AUTS2: variants seen among roughly 807,000 people sequenced by gnomAD.
The protein encoded by AUTS2 is autism susceptibility gene 2 protein.
Under a neutral mutation model 112.4 loss-of-function variants are expected in AUTS2, and 17 were observed. The observed-to-expected ratio is 0.15, with a 90% CI of 0.10 to 0.23. The LOEUF (loss-of-function observed/expected upper bound fraction) is 0.23, where lower values mean the gene tolerates loss of function less well. Among genes scored for constraint, AUTS2 ranks in the 10% least tolerant of loss-of-function variants. AUTS2 has a pLI of 1.00. For synonymous variants in AUTS2, 751 were observed against 702.7 expected (o/e 1.07, Z -1.09); for missense variants, 1,510 against 1,701.6 (o/e 0.89, Z 1.98).
At chr7:70,161,925 T>C (rs1297656091) in intron 4 of AUTS2, among the ~76,000 whole-genome samples, 1 of 152,164 alleles carries the variant, frequency 6.6e-6, no homozygotes, top group Non-Finnish European at 1.5e-5. Context: ...GGGGGTTTCC[T>C]AAATACATTT....
intron 2 of AUTS2, among the ~76,000 whole-genome samples, chr7:70,003,294 A>G (rs1394120199): frequency 2.3e-5 from 3 of 132,704 alleles, no homozygotes; most frequent in African/African-American, 5.6e-5. Flanking sequence ...TATATTATAT[A>G]TGAATATATT....
At chr7:69,626,986 A>G (rs1793984158) in intron 1 of AUTS2, among the ~76,000 whole-genome samples, 1 of 152,234 alleles carries the variant, frequency 6.6e-6, no homozygotes, top group Non-Finnish European at 1.5e-5. Context: ...TAACCCCCAA[A>G]TGCAGGTTAA....
intron 5 of AUTS2, among the ~76,000 whole-genome samples, chr7:70,648,232 G>C (rs1234038838): frequency 6.6e-6 from 1 of 152,130 alleles, no homozygotes; most frequent in African/African-American, 2.4e-5. Flanking sequence ...TAGTGTCATA[G>C]TACTCCGCCC....
intron 5 of AUTS2, among the ~76,000 whole-genome samples, chr7:70,655,242 C>G (rs1806709483): frequency 6.6e-6 from 1 of 152,216 alleles, no homozygotes; most frequent in African/African-American, 2.4e-5. Context: ...GAACTTGGGC[C>G]CTCTCCAGTC....
intron 1 of AUTS2, among the ~76,000 whole-genome samples, chr7:69,745,157 A>T (rs1011890765): frequency 6.6e-6 from 1 of 152,158 alleles, no homozygotes; most frequent in Non-Finnish European, 1.5e-5. Context: ...CGGCTGACCA[A>T]AAAACCACCT....
chr7:70,214,012 A>G (rs1452641009), intron 4 of AUTS2, among the ~76,000 whole-genome samples: 1 of 152,210 alleles, frequency 6.6e-6, no homozygotes, highest in South Asian at 2.1e-4. Flanking sequence ...TAACTGCAGC[A>G]CTTTTGAAAG....
chr7:70,107,731 A>G (rs913029010), intron 2 of AUTS2, among the ~76,000 whole-genome samples: 6 of 150,834 alleles, frequency 4.0e-5, no homozygotes, highest in Non-Finnish European at 1.5e-5. Context: ...TCTAGAACAT[A>G]GGCCAGATGT....
chr7:70,119,369 T>C lies in AUTS2; in HGVS notation c.624+1136T>C, dbSNP rs919590934. Reference sequence around the variant, plus strand: ...TGTGAAATGGATCAAGTAAAGAGATTTTTTTTTTTTTTTTGAGACTGAGTC... The same window carrying C: ...TGTGAAATGGATCAAGTAAAGAGATCTTTTTTTTTTTTTTGAGACTGAGTC... On this transcript the variant is annotated intron_variant, in intron 3 of 18. Coordinates refer to ENST00000342771, the MANE Select transcript of AUTS2 (RefSeq NM_015570.4). 9 of 82,208 alleles carry C rather than the reference T, an allele frequency of 1.1e-4. No homozygotes were observed. The East Asian group carries it at 3.0e-3, about 27-fold the overall frequency. 5.1% of individuals were successfully genotyped at this position (82,208 alleles called of 1,614,324 possible). A position where few individuals can be genotyped will look rare whatever the true frequency, so the allele number is the denominator to read the frequency against.
chr7:70,011,972 T>C (rs1481758099), intron 2 of AUTS2, among the ~76,000 whole-genome samples: 1 of 152,120 alleles, frequency 6.6e-6, no homozygotes, highest in Non-Finnish European at 1.5e-5. Flanking sequence ...CATTGAGTTT[T>C]TTCACTGTGA....
At chr7:70,783,969 G>C (rs1791264241) in intron 15 of AUTS2, 1 of 152,092 alleles carries the variant, frequency 6.6e-6, no homozygotes, top group South Asian at 2.1e-4. Flanking sequence ...GCTTCCTTCA[G>C]GAACAGGAAT....
intron 4 of AUTS2, among the ~76,000 whole-genome samples, chr7:70,148,983 A>C (rs1410191586): frequency 6.6e-6 from 1 of 152,092 alleles, no homozygotes; most frequent in Non-Finnish European, 1.5e-5. Flanking sequence ...TTACAAAGCA[A>C]GGTAAATAAA....
At chr7:70,375,047 C>T (rs1395509051) in intron 4 of AUTS2, among the ~76,000 whole-genome samples, 1 of 152,174 alleles carries the variant, frequency 6.6e-6, no homozygotes, top group African/African-American at 2.4e-5. Context: ...TTGTTCAGCT[C>T]TTCCTTGATA....
intron 6 of AUTS2, among the ~76,000 whole-genome samples, chr7:70,726,767 A>T (rs1387472643): frequency 6.6e-6 from 1 of 152,192 alleles, no homozygotes; most frequent in Non-Finnish European, 1.5e-5. Flanking sequence ...GCTTAAACAC[A>T]ATAGCATCTT....
At position 69,704,441 on chromosome 7, in the gene AUTS2, C is replaced by T. The variant is rs1343863233; in HGVS notation, c.309+104479C>T. ...TACAGGCGCCTGCCACCACGCCCGG[C>T]TAATTTTTTTGTATTTTTAGTAGAG... On this transcript the variant is annotated intron_variant, in intron 1 of 18. Transcript: ENST00000342771. 2.0e-5 allele frequency among the ~76,000 whole-genome samples: 3 copies of T among 152,108 alleles called. No homozygotes were observed. The East Asian group carries it at 5.8e-4, about 29-fold the overall frequency.
In AUTS2 at chr7:70,125,070, C is replaced by T. The variant is rs547314509; in HGVS notation, c.624+6837C>T. On this transcript the variant is annotated intron_variant, in intron 3 of 18. Coordinates refer to ENST00000342771, the MANE Select transcript of AUTS2 (RefSeq NM_015570.4). ...TTTGTCACCTGTGCCATTTCTGGAC[C>T]TGTTTCTATTGGTTGTTTTTTCTCC... Among the ~76,000 whole-genome samples, 9 of 152,050 alleles carry T rather than the reference C, an allele frequency of 5.9e-5. No individual in the cohort carries two copies. The South Asian group carries it at 1.9e-3, about 32-fold the overall frequency.
intron 1 of AUTS2, among the ~76,000 whole-genome samples, chr7:69,785,792 C>T (rs1363328872): frequency 6.6e-6 from 1 of 152,168 alleles, no homozygotes; most frequent in Non-Finnish European, 1.5e-5. Context: ...CTAACTACAT[C>T]TATTCCACAA....
At chr7:70,112,022 G>T (rs1442135551) in intron 2 of AUTS2, among the ~76,000 whole-genome samples, 1 of 151,388 alleles carries the variant, frequency 6.6e-6, no homozygotes, top group South Asian at 2.1e-4. Flanking sequence ...ACCTATACTT[G>T]CCTTTTTGTC....
intron 5 of AUTS2, among the ~76,000 whole-genome samples, chr7:70,595,602 G>A (rs1356655439): frequency 6.6e-6 from 1 of 152,050 alleles, no homozygotes; most frequent in Non-Finnish European, 1.5e-5. Flanking sequence ...TAGGAATGAG[G>A]ACACCCGGCG....
intron 2 of AUTS2, among the ~76,000 whole-genome samples, chr7:70,037,977 C>T (rs1443178367): frequency 8.8e-6 from 1 of 114,180 alleles, no homozygotes; most frequent in East Asian, 3.1e-4. Flanking sequence ...CCGCCCTTTC[C>T]ACCTTGATTT....
Sources: gnomAD v4.1 joint callset for allele counts (sites outside exome capture counted in the v4.1 genomes callset) on GRCh38, gnomAD v4.1.1 for gene constraint, MANE v1.5 for transcripts, NCBI Gene and HGNC (gene_info 2026-07-23, HGNC 2026-07-21) for gene names.